ARHGAP39: variants seen among roughly 807,000 people sequenced by gnomAD.
ARHGAP39 encodes Rho GTPase activating protein 39.
In ARHGAP39, 44 loss-of-function variants were observed where a neutral mutation model predicts 106.9. The ratio of observed to expected loss-of-function variants is 0.41; its 90% confidence interval spans 0.32 to 0.53. The LOEUF (loss-of-function observed/expected upper bound fraction) is 0.53, where lower values mean the gene tolerates loss of function less well. Ranked by LOEUF, ARHGAP39 falls within the 20% of genes least tolerant of loss-of-function variation. The probability of loss-of-function intolerance (pLI) is 0.21; values close to 1 mark genes in which losing one functional copy is unlikely to be tolerated. For synonymous variants in ARHGAP39, 768 were observed against 693.2 expected (o/e 1.11, Z -1.69); for missense variants, 1,496 against 1,577.3 (o/e 0.95, Z 0.87).
rs770660656 is a variant in ARHGAP39, at chr8:144,545,631, C to T, written c.2139G>A (p.Lys713=). 4.3e-6 allele frequency: 7 copies of T among 1,613,568 alleles called. No homozygotes were observed. Among genetic ancestry groups the T allele is most frequent in the Non-Finnish European group, 5.9e-6 (7 of 1,180,028 alleles). The part of the protein sequence containing the change: ...NKHTQGLFRR[K]VSIANMLAWS... Reference sequence around the variant, plus strand: ...AGGCCAGCATGTTGGCGATGGACACCTTCCGCCGGAAGAGGCCCTGCGTGT... The same window carrying T: ...AGGCCAGCATGTTGGCGATGGACACTTTCCGCCGGAAGAGGCCCTGCGTGT... Residue 713 remains lysine (K), a synonymous_variant, in exon 6 of 12, where the codon AAG becomes AAA. Transcript: ENST00000377307.
At chr8:144,588,538 CG>C (rs1819266593) in intron 2 of ARHGAP39, among the ~76,000 whole-genome samples, 1 of 152,224 alleles carries the variant, frequency 6.6e-6, no homozygotes, top group Admixed American at 6.5e-5. Flanking sequence ...GTGGGGACCG[CG>C]GAGAGCGGCA....
intron 6 of ARHGAP39, among the ~76,000 whole-genome samples, chr8:144,541,106 C>A (rs142700005): frequency 6.6e-6 from 1 of 152,246 alleles, no homozygotes; most frequent in African/African-American, 2.4e-5. Flanking sequence ...CGGCCTCCGC[C>A]TCCCAAAGTG....
At chr8:144,603,969 T>A (rs752249632) in intron 2 of ARHGAP39, among the ~76,000 whole-genome samples, 7 of 151,874 alleles carry the variant, frequency 4.6e-5, no homozygotes, top group Admixed American at 3.3e-4. Flanking sequence ...AAGCGCAATA[T>A]CAACCCCGAA....
At chr8:144,597,465 AG>A (rs1819664278) in intron 2 of ARHGAP39, among the ~76,000 whole-genome samples, 1 of 152,236 alleles carries the variant, frequency 6.6e-6, no homozygotes, top group African/African-American at 2.4e-5. Context: ...GCGAGCTGCC[AG>A]GAAGCCAAGG....
chr8:144,607,659 G>A (rs1820343987), intron 1 of ARHGAP39, among the ~76,000 whole-genome samples: 1 of 152,192 alleles, frequency 6.6e-6, no homozygotes. Flanking sequence ...AGAGAGCACA[G>A]CAGGTGACGG....
At chr8:144,539,603 T>G (rs938286082) in intron 6 of ARHGAP39, among the ~76,000 whole-genome samples, 1 of 152,266 alleles carries the variant, frequency 6.6e-6, no homozygotes, top group Non-Finnish European at 1.5e-5. Context: ...AAAATATGCG[T>G]TGAAATTCAT....
chr8:144,530,644 A>AGGGGGGGGGGGGGGGGGGGG, intron 11 of ARHGAP39, 28 bp from the exon 12 acceptor site: 3 of 189,550 alleles, frequency 1.6e-5, no homozygotes, highest in South Asian at 1.6e-4. Flanking sequence ...GTGGGCGCGG[A>AGGGGGGGGGGGGGGGGGGGG]GGGGCGGGGG....
chr8:144,686,608 A>C (rs1007665605), upstream of ARHGAP39, among the ~76,000 whole-genome samples: 41 of 151,338 alleles, frequency 2.7e-4, no homozygotes, highest in Non-Finnish European at 4.9e-4. Flanking sequence ...GTGGAGCTCC[A>C]CCTCCTGCCC....
In ARHGAP39 at chr8:144,675,729, C is replaced by A. The variant is rs189445602; in HGVS notation, c.-82+9957G>T. On this transcript the variant is annotated intron_variant, in intron 1 of 11. Transcript: ENST00000377307. ...TGGTTAGTGTTACAGCTCTTAAAGA[C>A]GGTGCGTCTGGAGTTGTTCATTCCT... Among the ~76,000 whole-genome samples, 942 of 117,766 alleles carry A rather than the reference C, an allele frequency of 8.0e-3. 11 individuals are homozygous for A. The highest frequency in any genetic ancestry group is 0.028 in the African/African-American group (874 of 30,816). The allele number at this position is 117,766 out of a possible 152,430, so 77.3% of individuals were successfully genotyped here. A position where few individuals can be genotyped will look rare whatever the true frequency, so the allele number is the denominator to read the frequency against.
chr8:144,600,611 G>C (rs1223711999), intron 2 of ARHGAP39, among the ~76,000 whole-genome samples: 2 of 148,990 alleles, frequency 1.3e-5, no homozygotes, highest in African/African-American at 5.0e-5. Context: ...TGTTCGTGGA[G>C]GCGTGCGTGC....
At chr8:144,581,350 C>T in intron 2 of ARHGAP39, 73 bp from the exon 3 acceptor site, 1 of 1,418,326 alleles carries the variant, frequency 7.1e-7, no homozygotes, top group Non-Finnish European at 9.5e-7. Flanking sequence ...CTGCAGACCC[C>T]GGCTCCAGCC....
At position 144,544,110 on chromosome 8, in the gene ARHGAP39, C is replaced by T. The variant is rs7001901; in HGVS notation, c.2521+1139G>A. ...CTGCCTGGCACCCTGCTCTGGTCCT[C>T]CTCTGCACACCTGGAGCCCCGGCCA... On this transcript the variant is annotated intron_variant, in intron 6 of 11. Transcript: ENST00000377307. 1,472 of 152,758 alleles carry T rather than the reference C, an allele frequency of 9.6e-3. 25 individuals carry two copies. The highest frequency in any genetic ancestry group is 0.012 in the Admixed American group (178 of 15,314). 9.5% of individuals were successfully genotyped at this position (152,758 alleles called of 1,614,324 possible). A position where few individuals can be genotyped will look rare whatever the true frequency, so the allele number is the denominator to read the frequency against.
Position 144,591,756 on chromosome 8 carries a change from C to T in ARHGAP39, c.81-10479G>A, listed in dbSNP as rs1819408271. ...CACCAAGGACAGGACCACATGGACG[C>T]AGGTCAAACGCGGTGAGCAGTGAGG... On this transcript the variant is annotated intron_variant, in intron 2 of 11. Coordinates refer to ENST00000377307, the MANE Select transcript of ARHGAP39 (RefSeq NM_025251.3). The surrounding 1 kb of genome is among the most constrained non-coding windows in gnomAD (Gnocchi z 5.3). 2.0e-5 allele frequency among the ~76,000 whole-genome samples: 3 copies of T among 152,242 alleles called. No homozygotes were observed. In the South Asian group the frequency reaches 6.2e-4, roughly 31 times the overall value.
intron 1 of ARHGAP39, among the ~76,000 whole-genome samples, chr8:144,608,197 A>T (rs1820368563): frequency 1.3e-5 from 2 of 151,904 alleles, no homozygotes; most frequent in Admixed American, 1.3e-4. Context: ...AAGAAGAAGA[A>T]ATGAAACTCA....
In ARHGAP39 at chr8:144,530,636, G is replaced by T. The variant is rs573624824; in HGVS notation, c.3151-20C>A. 3.9e-6 allele frequency: 6 copies of T among 1,543,134 alleles called. No homozygotes were observed. In the African/African-American group the frequency reaches 8.2e-5, roughly 21 times the overall value. On this transcript the variant is annotated intron_variant, in intron 11 of 11. Coordinates refer to ENST00000377307, the MANE Select transcript of ARHGAP39 (RefSeq NM_025251.3). ...GAAGACCTGGTGGAGGAGCGAGGGT[G>T]GGCGCGGAGGGGCGGGGGCGGGGCG...
chr8:144,608,156 C>CAAA lies in ARHGAP39; in HGVS notation c.-81-2464_-81-2462dup, dbSNP rs60966946. Among the ~76,000 whole-genome samples, 600 of 96,224 alleles carry CAAA rather than the reference C, an allele frequency of 6.2e-3. 6 individuals carry two copies. The highest frequency in any genetic ancestry group is 6.9e-3 in the Non-Finnish European group (347 of 50,490). 63.1% of individuals were successfully genotyped at this position (96,224 alleles called of 152,430 possible). A position where few individuals can be genotyped will look rare whatever the true frequency, so the allele number is the denominator to read the frequency against. On this transcript the variant is annotated intron_variant, in intron 1 of 11. Transcript: ENST00000377307. ...TGGGCGACAGAGCAAGACTCTGTCT[C>CAAA]AAAAAAAAAAAAAAAAAAAAAAAAA...
At chr8:144,619,057 G>A (rs909680422) in intron 1 of ARHGAP39, among the ~76,000 whole-genome samples, 1 of 152,168 alleles carries the variant, frequency 6.6e-6, no homozygotes, top group Non-Finnish European at 1.5e-5. Context: ...GAGCAGGACA[G>A]GCCCAGAGAG....
chr8:144,634,902 CG>C (rs1821138476), intron 1 of ARHGAP39, among the ~76,000 whole-genome samples: 1 of 152,244 alleles, frequency 6.6e-6, no homozygotes, highest in Admixed American at 6.5e-5. Context: ...AGGCCCTGTG[CG>C]GGTGTAGTCT....
In ARHGAP39 at chr8:144,545,423, C is replaced by T; in HGVS notation, c.2347G>A (p.Glu783Lys). The change falls in exon 6 of 12, where the codon GAG becomes AAG. Residue 783 changes from glutamate to lysine, a missense_variant. Physicochemically the swap from Glu to Lys is moderately conservative, Grantham distance 56. Transcript: ENST00000377307. The stretch of plus-strand genomic sequence containing the variant: ...TGCCGGCACAGCTGGATGTAGAGCT[C>T]GTCCCGCAGGCCCTGCACGCTCCAG... ...KGWSVQGLRD[E>K]LYIQLCRQTT... 6.3e-7 allele frequency: 1 copy of T among 1,587,404 alleles called. No individual in the cohort carries two copies. Among genetic ancestry groups the T allele is most frequent in the Non-Finnish European group, 8.6e-7 (1 of 1,163,470 alleles).
Sources: gnomAD v4.1 joint callset for allele counts (sites outside exome capture counted in the v4.1 genomes callset) on GRCh38, gnomAD v4.1.1 for gene constraint, Gnocchi (gnomAD v3.1) non-coding constraint, MANE v1.5 for transcripts, NCBI Gene and HGNC (gene_info 2026-07-23, HGNC 2026-07-21) for gene names.